ZNF443: variants seen among roughly 807,000 people sequenced by gnomAD.
ZNF443 encodes the protein zinc finger protein 443, also known as Kruppel-type zinc finger (C2H2).
ZNF443 carries 3 observed loss-of-function variants against 12.0 expected under a neutral mutation model. The ratio of observed to expected loss-of-function variants is 0.25; its 90% CI spans 0.11 to 0.64. ZNF443 has a LOEUF of 0.64. ZNF443 is among the 30% of genes least tolerant of loss of function. The probability of loss-of-function intolerance (pLI) is 0.84; values close to 1 mark genes in which losing one functional copy is unlikely to be tolerated. For synonymous variants in ZNF443, 225 were observed against 265.9 expected, an observed-to-expected ratio of 0.85 and a Z score of 1.50; for missense variants, 770 against 808.8, an observed-to-expected ratio of 0.95 and a Z score of 0.58.
rs777798631 is a variant in ZNF443 at position 12,431,692 on chromosome 19, C to G, written c.480G>C (p.Glu160Asp). The G allele has an allele frequency of 3.2e-5, 52 of 1,614,022 alleles. No individual in the cohort carries two copies. The highest frequency in any genetic ancestry group is 4.4e-5 in the Non-Finnish European group (52 of 1,180,018). ...ATGGTTTCTTTCCAGTGTGAAGCCT[C>G]TCATGTGTTTGAAATGAGTTGTGGT... ...FSYHNSFQTH[E>D]RLHTGKKPYD... Residue 160 changes from glutamate (E) to aspartate (D), a missense_variant, in exon 4 of 4, where the codon GAG becomes GAC. Coordinates refer to ENST00000301547, the MANE Select transcript of ZNF443 (RefSeq NM_005815.5).
chr19:12,440,643 C>T (rs1156462969), intron 1 of ZNF443, among the ~76,000 whole-genome samples: 1 of 152,240 alleles, frequency 6.6e-6, no homozygotes, highest in Non-Finnish European at 1.5e-5. Context: ...TACAGCCGCA[C>T]AATCTGGGGA....
intron 1 of ZNF443, among the ~76,000 whole-genome samples, 170 bp downstream of exon 1, chr19:12,440,742 G>A (rs574216050): frequency 4.6e-5 from 7 of 152,300 alleles, no homozygotes; most frequent in Middle Eastern, 3.4e-3. Context: ...CCGGGGTCCC[G>A]GCTGCATGCC....
chr19:12,430,311 A>G lies in ZNF443; in HGVS notation c.1861T>C (p.Cys621Arg), dbSNP rs1970234705. The G allele has an allele frequency of 6.2e-7, 1 of 1,613,642 alleles. No individual in the cohort carries two copies. ...TGENPYECKE[C>R]GKAFASLSSL... is the part of the protein sequence containing the mutation. ...CTGAGAGAAGCAAATGCTTTCCCAC[A>G]TTCCTTACATTCATACGGGTTCTCT... Residue 621 changes from cysteine to arginine, a missense_variant, in exon 4 of 4, where the codon TGT (cysteine) becomes CGT (arginine). By Grantham distance (180) the Cys-to-Arg change is radical. Around this residue, in one of 3 missense-constraint regions of ZNF443, gnomAD observed 30 missense variants for 60.4 expected, o/e 0.50. Coordinates refer to ENST00000301547, the MANE Select transcript of ZNF443 (RefSeq NM_005815.5).
In ZNF443 at chr19:12,431,110, T is replaced by C. The variant is rs1237711386; in HGVS notation, c.1062A>G (p.Arg354=). The change falls in exon 4 of 4, where the codon AGA becomes AGG. Residue 354 remains arginine (R), a synonymous_variant. Coordinates refer to ENST00000301547, the MANE Select transcript of ZNF443 (RefSeq NM_005815.5). The part of the protein sequence containing the change: ...KAFHHLGSFQ[R]HMIRHTGNGP... ...CATTTCCAGTGTGCCTTATCATGTG[T>C]CTTTGAAAGCTTCCCAGATGATGAA... 1 of 1,614,136 alleles carries C rather than the reference T, an allele frequency of 6.2e-7. No individual in the cohort carries two copies. Among genetic ancestry groups the C allele is most frequent in the East Asian group, 2.2e-5 (1 of 44,878 alleles).
At chr19:12,437,372 C>T (rs1280905388) in intron 1 of ZNF443, among the ~76,000 whole-genome samples, 3 of 148,888 alleles carry the variant, frequency 2.0e-5, no homozygotes, top group Non-Finnish European at 3.0e-5. Flanking sequence ...TGCTCCACTG[C>T]ACTCTAGCCT....
chr19:12,436,946 C>T (rs11880874), intron 1 of ZNF443, among the ~76,000 whole-genome samples: 47,964 of 148,902 alleles, frequency 0.32, 8,161 homozygotes, highest in South Asian at 0.46. Flanking sequence ...AAATGGATGA[C>T]GGTGATGTTA....
chr19:12,430,393 A>C lies in ZNF443; in HGVS notation c.1779T>G (p.Cys593Trp), dbSNP rs761028903. The change falls in exon 4 of 4, where the codon TGT (cysteine) becomes TGG (tryptophan). Residue 593 changes from cysteine to tryptophan, a missense_variant. Cys to Trp is a radical substitution (Grantham distance 215). Transcript: ENST00000301547. ...MREKSYECPQ[C>W]GKAFTHSRFL... is the part of the protein sequence containing the mutation. Reference sequence around the variant, plus strand: ...AACGGGAATGAGTGAAGGCTTTACCACATTGTGGACATTCATAGGATTTCT... The same window carrying C: ...AACGGGAATGAGTGAAGGCTTTACCCCATTGTGGACATTCATAGGATTTCT... 1.3e-5 allele frequency: 20 copies of C among 1,573,366 alleles called. No individual in the cohort carries two copies.
chr19:12,433,312 C>T, intron 1 of ZNF443, 115 bp from the exon 2 acceptor site: 1 of 1,442,936 alleles, frequency 6.9e-7, no homozygotes, highest in Non-Finnish European at 9.1e-7. Flanking sequence ...TATTCAATGA[C>T]ATGGTAAACC....
chr19:12,436,750 T>TACAC (rs59579956), intron 1 of ZNF443, among the ~76,000 whole-genome samples: 25 of 119,014 alleles, frequency 2.1e-4, no homozygotes, highest in East Asian at 1.9e-3. Context: ...ATTCAGATCA[T>TACAC]ACACACACAC....
chr19:12,429,866 T>C lies in ZNF443; in HGVS notation c.*290A>G. 1.9e-6 allele frequency: 1 copy of C among 515,310 alleles called. No individual in the cohort carries two copies. The highest frequency in any genetic ancestry group is 3.4e-6 in the Non-Finnish European group (1 of 292,338). The allele number at this position is 515,310 out of a possible 1,614,324, so 31.9% of individuals were successfully genotyped here. On this transcript the variant is annotated 3_prime_UTR_variant, in exon 4 of 4. Coordinates refer to ENST00000301547, the MANE Select transcript of ZNF443 (RefSeq NM_005815.5). ...CTATTTGCATAGCTTTTATAATGCATGAGGTATTTTAAGTAATCTAGACAT... is the reference window on the plus strand; with the variant it reads ...CTATTTGCATAGCTTTTATAATGCACGAGGTATTTTAAGTAATCTAGACAT...
At chr19:12,438,836 A>G (rs1970338753) in intron 1 of ZNF443, among the ~76,000 whole-genome samples, 2 of 152,232 alleles carry the variant, frequency 1.3e-5, no homozygotes, top group African/African-American at 2.4e-5. Context: ...TATTTTCTGA[A>G]GTCCGACTCT....
In ZNF443 at chr19:12,430,925, G is replaced by T. The variant is rs781400412; in HGVS notation, c.1247C>A (p.Thr416Asn). ...CTTGCATTTATGAGGTCCATCTCCA[G>T]TGTGCATTATCATATGACTTCGAAA... is the stretch of plus-strand genomic sequence containing the variant. ...SSFRSHMIMH[T>N]GDGPHKCKVC... is the part of the protein sequence containing the mutation. The change falls in exon 4 of 4, where the codon ACT becomes AAT. Residue 416 changes from threonine to asparagine, a missense_variant. By Grantham distance (65) the Thr-to-Asn change is moderately conservative (BLOSUM62 0). Transcript: ENST00000301547. 6.2e-7 allele frequency: 1 copy of T among 1,613,996 alleles called. No individual in the cohort carries two copies. Among genetic ancestry groups the T allele is most frequent in the East Asian group, 2.2e-5 (1 of 44,868 alleles).
chr19:12,437,663 A>T (rs1157951162), intron 1 of ZNF443, among the ~76,000 whole-genome samples: 3 of 152,004 alleles, frequency 2.0e-5, no homozygotes, highest in East Asian at 1.9e-4. Flanking sequence ...AGAGTAGAAT[A>T]AAAAAAACAA....
chr19:12,440,872 A>G (rs1196499832), intron 1 of ZNF443, 40 bp downstream of exon 1: 8 of 1,613,164 alleles, frequency 5.0e-6, no homozygotes, highest in East Asian at 2.2e-5. Context: ...GTTCCACCTA[A>G]CCCCTCCCCC....
chr19:12,440,976 G>C lies in ZNF443; in HGVS notation c.-62C>G. 1 of 1,613,272 alleles carries C rather than the reference G, an allele frequency of 6.2e-7. No individual in the cohort carries two copies. The highest frequency in any genetic ancestry group is 1.3e-5 in the African/African-American group (1 of 75,044). Reference sequence around the variant, plus strand: ...GCTCCCGCTGCCAATGCGTGTTCCAGCCAGACAAAGGCTGCCTCAGAACTT... The same window carrying C: ...GCTCCCGCTGCCAATGCGTGTTCCACCCAGACAAAGGCTGCCTCAGAACTT... On this transcript the variant is annotated 5_prime_UTR_variant, in exon 1 of 4. Coordinates refer to ENST00000301547, the MANE Select transcript of ZNF443 (RefSeq NM_005815.5).
chr19:12,434,951 T>C (rs1463859369), intron 1 of ZNF443, among the ~76,000 whole-genome samples: 2 of 9,228 alleles, frequency 2.2e-4, no homozygotes, highest in Non-Finnish European at 1.0e-3. Flanking sequence ...ACAAGGCTGC[T>C]TTTTTTTTTT....
intron 1 of ZNF443, among the ~76,000 whole-genome samples, chr19:12,434,573 C>T (rs1970289814): frequency 1.3e-5 from 2 of 151,990 alleles, no homozygotes; most frequent in Non-Finnish European, 2.9e-5. Flanking sequence ...AATTACATTA[C>T]CAAGTCTAAT....
intron 1 of ZNF443, among the ~76,000 whole-genome samples, chr19:12,436,153 AATATAG>A (rs936113643): frequency 6.5e-5 from 9 of 137,576 alleles, no homozygotes; most frequent in African/African-American, 2.6e-4. Context: ...AGAAAACCAG[AATATAG>A]ATACAGAGAT....
chr19:12,436,788 T>C (rs1394527666), intron 1 of ZNF443, among the ~76,000 whole-genome samples: 1 of 150,930 alleles, frequency 6.6e-6, no homozygotes, highest in Non-Finnish European at 1.5e-5. Context: ...CACACAAATA[T>C]ACACATATGC....
Sources: allele counts gnomAD v4.1 joint callset (sites outside exome capture counted in the v4.1 genomes callset), GRCh38; gene constraint gnomAD v4.1.1; regional missense constraint gnomAD v4.1.1; transcripts MANE v1.5; gene names NCBI Gene and HGNC (gene_info 2026-07-23, HGNC 2026-07-21).